The following DTHD1 variants were observed in gnomAD, a reference collection of about 807,000 sequenced individuals.
DTHD1 encodes death domain-containing protein 1.
A neutral mutation model predicts 74.8 loss-of-function variants in DTHD1; 59 were observed. The ratio of observed to expected loss-of-function variants is 0.79; its 90% CI spans 0.64 to 0.98. DTHD1 has a LOEUF of 0.98. Ranked by LOEUF, DTHD1 falls within the 50% of genes least tolerant of loss-of-function variation. The pLI, the probability that DTHD1 is intolerant of heterozygous loss-of-function variation, is 0.00. For synonymous variants in DTHD1, 365 were observed against 371.1 expected, an observed-to-expected ratio of 0.98 and a Z score of 0.19; for missense variants, 1,051 against 1,065.4, an observed-to-expected ratio of 0.99 and a Z score of 0.19.
rs189410090 is a variant in DTHD1 at position 36,295,038 on chromosome 4, C to T, written c.1642C>T (p.Arg548Trp). 7.8e-5 allele frequency: 119 copies of T among 1,527,606 alleles called. No individual in the cohort carries two copies. Among genetic ancestry groups the T allele is most frequent in the East Asian group, 2.0e-4 (8 of 40,580 alleles). The allele number at this position is 1,527,606 out of a possible 1,614,324, so 94.6% of individuals were successfully genotyped here. ...TAGGATTACACCTTCGTATTTCAACCGGTGAGTAAGTTTCTAATATTGTAA... is the reference window on the plus strand; with the variant it reads ...TAGGATTACACCTTCGTATTTCAACTGGTGAGTAAGTTTCTAATATTGTAA... ...INRITPSYFN[R>W]TKIASIRKPR... The change falls in exon 5 of 10, where the codon CGG (arginine) becomes TGG (tryptophan). Residue 548 changes from arginine (R) to tryptophan (W), a missense_variant and splice_region_variant. Arg to Trp is a moderately radical substitution (Grantham distance 101). Coordinates refer to ENST00000639862, the MANE Select transcript of DTHD1 (RefSeq NM_001170700.3).
At chr4:36,315,441 C>A (rs1299340447) in intron 7 of DTHD1, 2 of 152,132 alleles carry the variant, frequency 1.3e-5, no homozygotes, top group Non-Finnish European at 2.9e-5. Context: ...ATTACGGTAG[C>A]CATTATGCCT....
chr4:36,299,366 T>C (rs1329018045), intron 5 of DTHD1, among the ~76,000 whole-genome samples: 1 of 152,230 alleles, frequency 6.6e-6, no homozygotes, highest in East Asian at 1.9e-4. Flanking sequence ...CCACTCTTTA[T>C]TGCTGTTCTG....
intron 7 of DTHD1, 145 bp from the exon 8 acceptor site, chr4:36,316,097 G>A (rs1050432351): frequency 5.2e-5 from 35 of 675,636 alleles, no homozygotes; most frequent in African/African-American, 5.0e-4. Context: ...CACCACGCCC[G>A]GTTAATTTTT....
intron 8 of DTHD1, among the ~76,000 whole-genome samples, chr4:36,334,385 G>GTC (rs2109565040): frequency 7.2e-6 from 1 of 139,502 alleles, no homozygotes. Context: ...TTCTTTCAGA[G>GTC]TCTCACTCTG....
rs1350699935 is a variant in DTHD1, at chr4:36,283,977, A to T, written c.273A>T (p.Glu91Asp). ...GTGTGTCCATGTATGTGTGTGTAGA[A>T]ATCATTACTTTCATAGACTGCCTCA... ...DKENQCVSRK[E>D]IITFIDCLIK... Residue 91 changes from glutamate (E) to aspartate (D), a missense_variant and splice_region_variant, in exon 2 of 10, where the codon GAA becomes GAT. Physicochemically the swap from Glu to Asp is conservative, Grantham distance 45. Coordinates refer to ENST00000639862, the MANE Select transcript of DTHD1 (RefSeq NM_001170700.3). The T allele has an allele frequency of 2.0e-6, 3 of 1,526,162 alleles. No homozygotes were observed. The African/African-American group carries it at 4.1e-5, about 21-fold the overall frequency. The allele number at this position is 1,526,162 out of a possible 1,614,324, so 94.5% of individuals were successfully genotyped here. A position where few individuals can be genotyped will look rare whatever the true frequency, so the allele number is the denominator to read the frequency against.
intron 8 of DTHD1, among the ~76,000 whole-genome samples, chr4:36,330,954 C>G (rs537396408): frequency 6.6e-6 from 1 of 152,110 alleles, no homozygotes; most frequent in African/African-American, 2.4e-5. Flanking sequence ...TCAGCATACC[C>G]TTTACTGTTA....
At chr4:36,323,991 TC>T (rs1247369604) in intron 8 of DTHD1, among the ~76,000 whole-genome samples, 1 of 152,132 alleles carries the variant, frequency 6.6e-6, no homozygotes, top group Admixed American at 6.5e-5. Flanking sequence ...AGAATGACCT[TC>T]AAAGCCACAA....
intron 8 of DTHD1, among the ~76,000 whole-genome samples, chr4:36,319,913 CTT>C (rs1757957207): frequency 6.6e-6 from 1 of 152,192 alleles, no homozygotes; most frequent in Non-Finnish European, 1.5e-5. Context: ...TACTGAACCT[CTT>C]TCACATCGGT....
chr4:36,331,980 A>G (rs1758707584), intron 8 of DTHD1, among the ~76,000 whole-genome samples: 2 of 152,174 alleles, frequency 1.3e-5, no homozygotes, highest in Non-Finnish European at 2.9e-5. Context: ...CACAAGGAAC[A>G]ATTAAAAATA....
intron 8 of DTHD1, among the ~76,000 whole-genome samples, chr4:36,338,825 A>C (rs1759155103): frequency 6.6e-6 from 1 of 152,144 alleles, no homozygotes; most frequent in Non-Finnish European, 1.5e-5. Context: ...AACAGTTTTA[A>C]ATTTTAGTTG....
intron 3 of DTHD1, among the ~76,000 whole-genome samples, chr4:36,293,034 C>T (rs35552684): frequency 6.6e-6 from 1 of 152,148 alleles, no homozygotes; most frequent in African/African-American, 2.4e-5. Flanking sequence ...ATTTGGGGAA[C>T]CTAAGATACT....
rs1392195863 is a variant in DTHD1, at chr4:36,347,392, T to C, written c.*3568T>C. 1.3e-5 allele frequency among the ~76,000 whole-genome samples: 2 copies of C among 152,142 alleles called. No individual in the cohort carries two copies. Among genetic ancestry groups the C allele is most frequent in the African/African-American group, 4.8e-5 (2 of 41,438 alleles). On this transcript the variant is annotated 3_prime_UTR_variant, in exon 10 of 10. Transcript: ENST00000639862. ...ATTCTATTATATGCATATATTAAAATTTTCATATCAATTAGACTGTAGTCC... is the reference window on the plus strand; with the variant it reads ...ATTCTATTATATGCATATATTAAAACTTTCATATCAATTAGACTGTAGTCC...
At chr4:36,326,920 G>A (rs1758381367) in intron 8 of DTHD1, among the ~76,000 whole-genome samples, 1 of 151,428 alleles carries the variant, frequency 6.6e-6, no homozygotes, top group Non-Finnish European at 1.5e-5. Context: ...ACTATTTCTA[G>A]CTATGATCCA....
At position 36,293,637 on chromosome 4, in the gene DTHD1, A is replaced by G; in HGVS notation, c.1330A>G (p.Met444Val). Reference sequence around the variant, plus strand: ...GAAAGGCCTCGCTCTTAAGTCAAGCATGGATTCCCGAATATCCTTAAATTA... The same window carrying G: ...GAAAGGCCTCGCTCTTAAGTCAAGCGTGGATTCCCGAATATCCTTAAATTA... ...TKKGLALKSSMDSRISLNYPP... is the reference protein window; with the variant it reads ...TKKGLALKSSVDSRISLNYPP... The change falls in exon 4 of 10, where the codon ATG becomes GTG. Residue 444 changes from methionine to valine, a missense_variant. By Grantham distance (21) the Met-to-Val change is conservative. Coordinates refer to ENST00000639862, the MANE Select transcript of DTHD1 (RefSeq NM_001170700.3). 1.9e-6 allele frequency: 3 copies of G among 1,549,444 alleles called. No homozygotes were observed. Among genetic ancestry groups the G allele is most frequent in the Non-Finnish European group, 2.6e-6 (3 of 1,145,430 alleles).
In DTHD1 at chr4:36,339,168, A is replaced by G. The variant is rs1759176928; in HGVS notation, c.2397A>G (p.Val799=). ...CCAAAAGAGTTTCTAAGGATCCTGT[A>G]GGTGAGGAATATTTGCTTTGTCATC... ...QSTKRVSKDP[V]EALWDNLLHW... The change falls in exon 9 of 10, where the codon GTA becomes GTG. Residue 799 remains valine (V), a splice_region_variant and synonymous_variant. Transcript: ENST00000639862. 1 of 1,544,788 alleles carries G rather than the reference A, an allele frequency of 6.5e-7. No homozygotes were observed. Among genetic ancestry groups the G allele is most frequent in the Admixed American group, 2.0e-5 (1 of 50,678 alleles).
At chr4:36,292,433 TC>T (rs1756137195) in intron 3 of DTHD1, among the ~76,000 whole-genome samples, 1 of 152,236 alleles carries the variant, frequency 6.6e-6, no homozygotes, top group African/African-American at 2.4e-5. Flanking sequence ...TTGGATTACT[TC>T]CAAATTTTTA....
At chr4:36,297,620 G>T (rs1456423986) in intron 5 of DTHD1, among the ~76,000 whole-genome samples, 2 of 152,078 alleles carry the variant, frequency 1.3e-5, no homozygotes, top group African/African-American at 2.4e-5. Context: ...AGAGTGTTAT[G>T]CCTCTCTCAT....
chr4:36,290,243 G>T, intron 2 of DTHD1, 130 bp from the exon 3 acceptor site: 1 of 959,178 alleles, frequency 1.0e-6, no homozygotes, highest in Non-Finnish European at 1.5e-6. Flanking sequence ...CTTGCCCAAG[G>T]TCACAGAGTT....
intron 5 of DTHD1, among the ~76,000 whole-genome samples, chr4:36,298,244 T>G (rs763993008): frequency 1.2e-4 from 19 of 152,148 alleles, no homozygotes; most frequent in African/African-American, 4.6e-4. Context: ...CATCCCACAT[T>G]CTACTACTGT....
Sources: gnomAD v4.1 joint callset for allele counts (sites outside exome capture counted in the v4.1 genomes callset) on GRCh38, gnomAD v4.1.1 for gene constraint, MANE v1.5 for transcripts, NCBI Gene and HGNC (gene_info 2026-07-23, HGNC 2026-07-21) for gene names.